BCR: variants seen among roughly 807,000 people sequenced by gnomAD.
BCR encodes the protein breakpoint cluster region protein.
BCR carries 58 observed loss-of-function variants against 138.6 expected under a neutral mutation model. The observed-to-expected ratio is 0.42, with a 90% CI of 0.34 to 0.52. The LOEUF (loss-of-function observed/expected upper bound fraction) is 0.52, where lower values mean the gene tolerates loss of function less well. Ranked by LOEUF, BCR falls within the 20% of genes least tolerant of loss-of-function variation. The pLI is 0.06. For missense variants in BCR, 1,599 were observed against 1,727.2 expected (o/e 0.93, Z 1.32); for synonymous variants, 786 against 730.1 (o/e 1.08, Z -1.23).
chr22:23,209,687 G>A (rs138876494), intron 1 of BCR, among the ~76,000 whole-genome samples: 10,315 of 152,026 alleles, frequency 0.068, 1,174 homozygotes, highest in African/African-American at 0.23. Flanking sequence ...GGGACTACAG[G>A]CACCCGCCAC....
intron 1 of BCR, chr22:23,251,007 G>C (rs2073220426): frequency 6.6e-6 from 1 of 152,182 alleles, no homozygotes; most frequent in Non-Finnish European, 1.5e-5. Flanking sequence ...TAGCGATCTT[G>C]GTACCTGGAG....
intron 16 of BCR, among the ~76,000 whole-genome samples, chr22:23,298,034 T>A (rs567003796): frequency 2.6e-5 from 4 of 152,064 alleles, no homozygotes; most frequent in Non-Finnish European, 4.4e-5. Flanking sequence ...GCAGTTAAAG[T>A]GGTAAAAGCA....
At chr22:23,249,729 A>G (rs988958546) in intron 1 of BCR, among the ~76,000 whole-genome samples, 1 of 152,198 alleles carries the variant, frequency 6.6e-6, no homozygotes, top group Non-Finnish European at 1.5e-5. Context: ...TCCCCACACC[A>G]TCATTTGCCT....
chr22:23,196,054 C>G (rs1324376798), intron 1 of BCR, among the ~76,000 whole-genome samples: 2 of 152,182 alleles, frequency 1.3e-5, no homozygotes, highest in Non-Finnish European at 2.9e-5. Flanking sequence ...TCCCTTCTCT[C>G]TCCTTCATTT....
rs781560339 is a variant in BCR at position 23,200,615 on chromosome 22, TG to T, written c.1279+18378del. On this transcript the variant is annotated intron_variant, in intron 1 of 22. Coordinates refer to ENST00000305877, the MANE Select transcript of BCR (RefSeq NM_004327.4). ...CTCTGTCGCCCAGGCTGGAGTGCAG[TG>T]GTGCGATCATGGCTCACCGCAGCCT... is the stretch of plus-strand genomic sequence containing the variant. Among the ~76,000 whole-genome samples the T allele has an allele frequency of 3.4e-4, 52 of 152,272 alleles. No individual in the cohort carries two copies. In the East Asian group the frequency reaches 3.5e-3, roughly 10 times the overall value.
At chr22:23,284,992 G>A in intron 9 of BCR, 41 bp from the exon 10 acceptor site, 2 of 1,591,596 alleles carry the variant, frequency 1.3e-6, no homozygotes, top group Middle Eastern at 1.7e-4. Context: ...GCCATAGAAG[G>A]CAGTCGGTGC....
In BCR at chr22:23,182,245, T is replaced by C. The variant is rs995844793; in HGVS notation, c.1279+6T>C. 6.4e-7 allele frequency: 1 copy of C among 1,554,006 alleles called. No homozygotes were observed. Among genetic ancestry groups the C allele is most frequent in the African/African-American group, 1.4e-5 (1 of 74,024 alleles). ...CGCCTTCCATGGAGACGCAGGTGAG[T>C]TCCTCACGCCACGTGCGTGGGCACA... On this transcript the variant is annotated splice_donor_region_variant and intron_variant, in intron 1 of 22. Transcript: ENST00000305877.
At chr22:23,213,585 G>C (rs2146222831) in intron 1 of BCR, among the ~76,000 whole-genome samples, 1 of 152,338 alleles carries the variant, frequency 6.6e-6, no homozygotes, top group Non-Finnish European at 1.5e-5. Context: ...CTCTTTGGGA[G>C]GCCAAGGTGG....
At chr22:23,247,755 A>G (rs2283805) in intron 1 of BCR, among the ~76,000 whole-genome samples, 81,469 of 152,074 alleles carry the variant, frequency 0.54, 22,450 homozygotes, top group African/African-American at 0.67. Flanking sequence ...CCACCGTTCC[A>G]CCTTCTGTCT....
rs116244331 is a variant in BCR, at chr22:23,227,874, G to C, written c.1280-25925G>C. Among the ~76,000 whole-genome samples, 1,380 of 152,284 alleles carry C rather than the reference G, an allele frequency of 9.1e-3. 29 individuals carry two copies. The highest frequency in any genetic ancestry group is 0.032 in the African/African-American group (1,321 of 41,540). On this transcript the variant is annotated intron_variant, in intron 1 of 22. Coordinates refer to ENST00000305877, the MANE Select transcript of BCR (RefSeq NM_004327.4). ...GTTCTGTCTGCCTCAGGTTACTGTT[G>C]GCCCCAGGGCTCTTTTTCCTGCAGG...
intron 16 of BCR, among the ~76,000 whole-genome samples, chr22:23,299,040 A>C (rs1451456305): frequency 6.6e-6 from 1 of 152,238 alleles, no homozygotes; most frequent in Non-Finnish European, 1.5e-5. Flanking sequence ...TCTGTCGCCC[A>C]GGCTGGAGTG....
rs2073771544 is a variant in BCR at position 23,290,345 on chromosome 22, A to G, written c.2714A>G (p.Glu905Gly). 6.2e-7 allele frequency: 1 copy of G among 1,613,920 alleles called. No individual in the cohort carries two copies. Among genetic ancestry groups the G allele is most frequent in the Admixed American group, 1.7e-5 (1 of 60,006 alleles). ...IPLTINKEDDESPGLYGFLNV... is the reference protein window; with the variant it reads ...IPLTINKEDDGSPGLYGFLNV... Reference sequence around the variant, plus strand: ...TCTTTGATCTCTTGCGCAGATGATGAGTCTCCGGGGCTCTATGGGTTTCTG... The same window carrying G: ...TCTTTGATCTCTTGCGCAGATGATGGGTCTCCGGGGCTCTATGGGTTTCTG... Residue 905 changes from glutamate to glycine, a missense_variant, in exon 14 of 23, where the codon GAG becomes GGG. Physicochemically the swap from Glu to Gly is moderately conservative, Grantham distance 98 (BLOSUM62 -2). Transcript: ENST00000305877.
At chr22:23,223,498 T>C (rs2072852933) in intron 1 of BCR, among the ~76,000 whole-genome samples, 1 of 152,088 alleles carries the variant, frequency 6.6e-6, no homozygotes, top group Non-Finnish European at 1.5e-5. Flanking sequence ...CAAGATGAAA[T>C]GAGAGCATAT....
intron 16 of BCR, among the ~76,000 whole-genome samples, chr22:23,304,099 A>AT (rs56805241): frequency 0.2 from 20,183 of 101,690 alleles, 2,093 homozygotes; most frequent in South Asian, 0.24. Flanking sequence ...ATGCCAGGCT[A>AT]TTTTTTTTTT....
intron 1 of BCR, among the ~76,000 whole-genome samples, chr22:23,212,863 A>G (rs2072702746): frequency 6.6e-6 from 1 of 152,204 alleles, no homozygotes; most frequent in South Asian, 2.1e-4. Context: ...TGTTCTGAAT[A>G]TTGCCCAGAC....
At chr22:23,242,080 G>A (rs1348168154) in intron 1 of BCR, among the ~76,000 whole-genome samples, 1 of 152,158 alleles carries the variant, frequency 6.6e-6, no homozygotes, top group African/African-American at 2.4e-5. Context: ...CAAGAGAAAA[G>A]CACACAAATG....
intron 8 of BCR, among the ~76,000 whole-genome samples, chr22:23,281,048 G>A (rs2073637963): frequency 1.3e-5 from 2 of 152,308 alleles, no homozygotes; most frequent in Non-Finnish European, 2.9e-5. Flanking sequence ...GGGGTTCCAC[G>A]CACGAGGGCA....
rs909305657 is a variant in BCR, at chr22:23,212,411, A to G, written c.1279+30172A>G. ...GGAACTGCTGTGGTATTTGGAGTCT[A>G]TAGAGACACCCATTGCTCAGGACCC... On this transcript the variant is annotated intron_variant, in intron 1 of 22. Coordinates refer to ENST00000305877, the MANE Select transcript of BCR (RefSeq NM_004327.4). Among the ~76,000 whole-genome samples the G allele has an allele frequency of 3.9e-5, 6 of 152,328 alleles. 1 individual carries two copies. Among genetic ancestry groups the G allele is most frequent in the African/African-American group, 1.4e-4 (6 of 41,572 alleles).
At chr22:23,254,741 C>A (rs965229132) in intron 2 of BCR, among the ~76,000 whole-genome samples, 9 of 152,240 alleles carry the variant, frequency 5.9e-5, no homozygotes, top group South Asian at 4.1e-4. Flanking sequence ...CATGTCCCCC[C>A]ACTTGACCTC....
Sources: gnomAD v4.1 joint callset for allele counts (sites outside exome capture counted in the v4.1 genomes callset) on GRCh38, gnomAD v4.1.1 for gene constraint, MANE v1.5 for transcripts, NCBI Gene and HGNC (gene_info 2026-07-23, HGNC 2026-07-21) for gene names.